Variants in EYS observed in about 807,000 individuals in gnomAD.
The protein encoded by EYS is protein eyes shut homolog.
In EYS, 250 loss-of-function variants were observed where a neutral mutation model predicts 282.1. The observed-to-expected ratio is 0.89, with a 90% CI of 0.80 to 0.98. The LOEUF (loss-of-function observed/expected upper bound fraction) is 0.98. Among genes scored for constraint, EYS ranks in the 50% least tolerant of loss-of-function variants. The pLI, the probability that EYS is intolerant of heterozygous loss-of-function variation, is 0.00. For synonymous variants in EYS, 1,355 were observed against 1,282.9 expected, an observed-to-expected ratio of 1.06 and a Z score of -1.20; for missense variants, 4,016 against 3,709.0, an observed-to-expected ratio of 1.08 and a Z score of -2.15.
At chr6:65,121,153 G>A (rs1356082839) in intron 12 of EYS, among the ~76,000 whole-genome samples, 2 of 152,000 alleles carry the variant, frequency 1.3e-5, no homozygotes, top group African/African-American at 2.4e-5. Flanking sequence ...GTATCTGCAT[G>A]AGCAGTCAGC....
intron 31 of EYS, among the ~76,000 whole-genome samples, chr6:64,205,452 G>A (rs1282754906): frequency 1.3e-5 from 2 of 152,094 alleles, no homozygotes; most frequent in Non-Finnish European, 2.9e-5. Flanking sequence ...ACTTTCTTGA[G>A]GCCACTGAAG....
intron 33 of EYS, among the ~76,000 whole-genome samples, chr6:64,039,845 TTTGA>T (rs1770301018): frequency 6.6e-6 from 1 of 152,192 alleles, no homozygotes; most frequent in Non-Finnish European, 1.5e-5. Context: ...TTTGTACATA[TTTGA>T]TTATTTTGCT....
Position 64,149,378 on chromosome 6 carries a change from A to G in EYS, c.6425-67376T>C, listed in dbSNP as rs139911420. Among the ~76,000 whole-genome samples, 1,112 of 152,326 alleles carry G rather than the reference A, an allele frequency of 7.3e-3. 23 individuals are homozygous for G. The highest frequency in any genetic ancestry group is 0.025 in the African/African-American group (1,023 of 41,570). ...ACATATCCAGCTTAATAGAGACGCG[A>G]TGAAGAGGCTCACTCCAAGTGTCTA... On this transcript the variant is annotated intron_variant, in intron 31 of 42. Coordinates refer to ENST00000503581, the MANE Select transcript of EYS (RefSeq NM_001142800.2).
At chr6:64,481,367 G>A (rs2150499589) in intron 26 of EYS, among the ~76,000 whole-genome samples, 1 of 148,030 alleles carries the variant, frequency 6.8e-6, no homozygotes, top group South Asian at 2.1e-4. Context: ...AATATCTCTG[G>A]GTGTATCCAA....
chr6:65,330,475 AG>A, intron 11 of EYS: 1 of 984,380 alleles, frequency 1.0e-6, no homozygotes, highest in Non-Finnish European at 1.2e-6. Flanking sequence ...GGTATGATTT[AG>A]TCTTTGGCTC....
rs539273805 is a variant in EYS at position 64,452,881 on chromosome 6, T to G, written c.5645-13529A>C. ...ATTCAAGATGGATTAAAGACTTAAA[T>G]GTTAGACCTGAAACCATAAAAACCC... On this transcript the variant is annotated intron_variant, in intron 26 of 42. Transcript: ENST00000503581. Among the ~76,000 whole-genome samples, 47 of 152,294 alleles carry G rather than the reference T, an allele frequency of 3.1e-4. No homozygotes were observed. The South Asian group carries it at 9.3e-3, about 30-fold the overall frequency.
intron 5 of EYS, among the ~76,000 whole-genome samples, chr6:65,412,840 T>G (rs933679171): frequency 1.3e-4 from 20 of 152,166 alleles, no homozygotes; most frequent in Non-Finnish European, 2.5e-4. Context: ...CTGATTTATC[T>G]ATTTAGTTTT....
At chr6:64,383,541 C>T (rs568705124) in intron 29 of EYS, among the ~76,000 whole-genome samples, 2 of 152,322 alleles carry the variant, frequency 1.3e-5, no homozygotes, top group African/African-American at 4.8e-5. Context: ...TACCACATAA[C>T]TTCTAGAAGG....
chr6:63,870,683 T>C (rs942025326), intron 35 of EYS, among the ~76,000 whole-genome samples: 27 of 152,194 alleles, frequency 1.8e-4, no homozygotes, highest in African/African-American at 6.3e-4. Context: ...GTAGTTTGTG[T>C]CTGCCACTTA....
chr6:64,812,632 A>G (rs1212363297), intron 22 of EYS, among the ~76,000 whole-genome samples: 2 of 152,072 alleles, frequency 1.3e-5, no homozygotes, highest in African/African-American at 2.4e-5. Context: ...ACTATATATC[A>G]AGATATACAT....
intron 5 of EYS, chr6:65,489,602 T>C (rs901478739): frequency 1.3e-5 from 2 of 152,112 alleles, no homozygotes; most frequent in African/African-American, 4.8e-5. Flanking sequence ...GAAATACCAT[T>C]TGACCCAGCA....
At chr6:65,014,525 G>A (rs550748871) in intron 13 of EYS, among the ~76,000 whole-genome samples, 29 of 152,198 alleles carry the variant, frequency 1.9e-4, no homozygotes, top group East Asian at 1.2e-3. Flanking sequence ...ACACATTATC[G>A]AGGTTAGGCA....
intron 22 of EYS, among the ~76,000 whole-genome samples, chr6:64,716,766 A>G (rs78851489): frequency 0.039 from 5,837 of 151,536 alleles, 244 homozygotes; most frequent in East Asian, 0.14. Context: ...TTACGTTGAT[A>G]TTTTTTTTTC....
chr6:64,259,675 C>CAT, intron 30 of EYS, among the ~76,000 whole-genome samples: 1 of 77,460 alleles, frequency 1.3e-5, no homozygotes, highest in African/African-American at 4.8e-5. Context: ...CACACACACA[C>CAT]AATCTGAGTT....
chr6:64,136,141 TA>T (rs79149461), intron 31 of EYS, among the ~76,000 whole-genome samples: 7,641 of 131,218 alleles, frequency 0.058, 187 homozygotes, highest in African/African-American at 0.09. Context: ...AGATTCTTTC[TA>T]AAAAAAAAAA....
intron 33 of EYS, among the ~76,000 whole-genome samples, chr6:64,024,475 G>C (rs1043864622): frequency 6.6e-6 from 1 of 152,114 alleles, no homozygotes; most frequent in African/African-American, 2.4e-5. Flanking sequence ...CAATCAGCAG[G>C]ATGTGGGTGG....
chr6:64,269,093 A>G (rs1435784715), intron 30 of EYS, among the ~76,000 whole-genome samples: 2 of 152,124 alleles, frequency 1.3e-5, no homozygotes, highest in Non-Finnish European at 2.9e-5. Context: ...AAAGAGAGCA[A>G]AAGGTTCTAA....
rs1562213495 is a variant in EYS, at chr6:64,125,143, A to ACT, written c.6425-43142_6425-43141insAG. ...TTCTGATGATGTCAAACACACACAC[A>ACT]CACACTCTCTGTCTCTCTCTCTCTC... On this transcript the variant is annotated intron_variant, in intron 31 of 42. Coordinates refer to ENST00000503581, the MANE Select transcript of EYS (RefSeq NM_001142800.2). 3.4e-5 allele frequency among the ~76,000 whole-genome samples: 5 copies of ACT among 147,376 alleles called. 1 individual carries two copies. Among genetic ancestry groups the ACT allele is most frequent in the African/African-American group, 1.3e-4 (5 of 37,818 alleles).
At chr6:64,703,878 G>C (rs1035599772) in intron 22 of EYS, among the ~76,000 whole-genome samples, 5 of 152,080 alleles carry the variant, frequency 3.3e-5, no homozygotes, top group Non-Finnish European at 7.4e-5. Context: ...AGTTAGAAGG[G>C]AGAGGTGAAA....
Sources: gnomAD v4.1 joint callset for allele counts (sites outside exome capture counted in the v4.1 genomes callset) on GRCh38, gnomAD v4.1.1 for gene constraint, MANE v1.5 for transcripts, NCBI Gene and HGNC (gene_info 2026-07-23, HGNC 2026-07-21) for gene names.